The following COG3 variants were observed in gnomAD, a reference collection of about 807,000 sequenced individuals.
COG3 encodes the protein conserved oligomeric Golgi complex subunit 3.
A neutral mutation model predicts 114.1 loss-of-function variants in COG3; 32 were observed. The ratio of observed to expected loss-of-function variants is 0.28; its 90% CI spans 0.21 to 0.38. The LOEUF is 0.38. COG3 is among the 10% of genes least tolerant of loss of function. The pLI, the probability that COG3 is intolerant of heterozygous loss-of-function variation, is 1.00. For missense variants in COG3, 813 were observed against 973.2 expected (o/e 0.84, Z 2.19); for synonymous variants, 352 against 365.7 (o/e 0.96, Z 0.43).
intron 22 of COG3, chr13:45,532,047 C>T (rs1018778562): frequency 6.6e-6 from 1 of 151,994 alleles, no homozygotes; most frequent in African/African-American, 2.4e-5. Context: ...TGCATTTCCC[C>T]GTCTTCTTTT....
chr13:45,509,565 G>GA (rs531491983), intron 14 of COG3, 127 bp from the exon 15 acceptor site: 16 of 1,092,736 alleles, frequency 1.5e-5, no homozygotes, highest in South Asian at 3.5e-5. Flanking sequence ...ACTGAGGTGG[G>GA]AAAAAATTGG....
At chr13:45,490,778 A>G (rs1175787967) in intron 8 of COG3, 137 bp from the exon 9 acceptor site, 2 of 442,486 alleles carry the variant, frequency 4.5e-6, no homozygotes, top group African/African-American at 2.0e-5. Context: ...AATTTTTGGT[A>G]TAAGTGATTT....
intron 22 of COG3, chr13:45,531,256 TTG>T (rs1255277155): frequency 6.3e-6 from 1 of 158,568 alleles, no homozygotes. Context: ...TGCACCCTAT[TTG>T]TAGTTTTTTA....
chr13:45,509,542 A>G (rs1039671209), intron 14 of COG3, 150 bp from the exon 15 acceptor site: 1 of 747,006 alleles, frequency 1.3e-6, no homozygotes, highest in African/African-American at 1.7e-5. Flanking sequence ...TTCTTAGGGT[A>G]TTCTTGATGA....
chr13:45,492,910 A>G (rs926087921), intron 11 of COG3, among the ~76,000 whole-genome samples: 1 of 152,194 alleles, frequency 6.6e-6, no homozygotes, highest in Non-Finnish European at 1.5e-5. Context: ...AGTACTTTGA[A>G]TTTTGTTTAT....
rs192441816 is a variant in COG3 at position 45,507,994 on chromosome 13, A to G, written c.1595-1698A>G. Among the ~76,000 whole-genome samples, 992 of 137,236 alleles carry G rather than the reference A, an allele frequency of 7.2e-3. 14 individuals carry two copies. Among genetic ancestry groups the G allele is most frequent in the African/African-American group, 0.025 (922 of 37,396 alleles). 90.0% of individuals were successfully genotyped at this position (137,236 alleles called of 152,430 possible). ...TGAGGCAGAAGAATCACTTGAACCC[A>G]GGAGGTGGAGGTTGCAGTGGGCTGA... On this transcript the variant is annotated intron_variant, in intron 14 of 22. Transcript: ENST00000349995.
chr13:45,487,034 G>C (rs932430566), intron 8 of COG3, among the ~76,000 whole-genome samples: 2 of 152,150 alleles, frequency 1.3e-5, no homozygotes, highest in Non-Finnish European at 2.9e-5. Context: ...TTAAACAGAG[G>C]AGTTATTTGG....
intron 9 of COG3, 133 bp from the exon 10 acceptor site, chr13:45,491,279 A>G: frequency 1.3e-6 from 1 of 793,286 alleles, no homozygotes; most frequent in Non-Finnish European, 2.0e-6. Flanking sequence ...CTAGTATTAA[A>G]TAGTTAATGT....
chr13:45,532,212 C>T (rs548709256), intron 22 of COG3: 1 of 152,060 alleles, frequency 6.6e-6, no homozygotes, highest in East Asian at 1.9e-4. Context: ...GTATATATTC[C>T]TTTATGTGGA....
chr13:45,501,406 T>C (rs1464830648), intron 13 of COG3, among the ~76,000 whole-genome samples: 1 of 152,232 alleles, frequency 6.6e-6, no homozygotes, highest in African/African-American at 2.4e-5. Context: ...TATTCATACT[T>C]TGGGTTATAG....
chr13:45,465,239 G>A, intron 1 of COG3, 29 bp downstream of exon 1: 1 of 1,609,670 alleles, frequency 6.2e-7, no homozygotes, highest in Middle Eastern at 1.8e-4. Context: ...ACCGGGCCGG[G>A]GCGATGGGGC....
At chr13:45,494,515 T>C (rs1205090610) in intron 12 of COG3, among the ~76,000 whole-genome samples, 5 of 152,202 alleles carry the variant, frequency 3.3e-5, no homozygotes, top group Middle Eastern at 3.4e-3. Context: ...AAAATTCATA[T>C]GGTTTTTTTG....
chr13:45,492,327 G>A, intron 11 of COG3, 77 bp downstream of exon 11: 2 of 729,696 alleles, frequency 2.7e-6, no homozygotes, highest in South Asian at 3.8e-5. Flanking sequence ...TATATTATAG[G>A]AGTATTCTAT....
chr13:45,532,607 T>C (rs1873261641), intron 22 of COG3, among the ~76,000 whole-genome samples: 1 of 136,496 alleles, frequency 7.3e-6, no homozygotes, highest in Non-Finnish European at 1.5e-5. Flanking sequence ...TCTCGCTCTG[T>C]CACCCAGGCT....
intron 12 of COG3, 88 bp downstream of exon 12, chr13:45,493,574 A>G: frequency 8.7e-7 from 1 of 1,149,520 alleles, no homozygotes; most frequent in Non-Finnish European, 1.2e-6. Context: ...TCACCCCACT[A>G]AATAGATAAA....
rs149840260 is a variant in COG3, at chr13:45,482,404, G to C, written c.648G>C (p.Ser216=). ...INTKLNSPTL[S]VNSDGFIPML... is the part of the protein sequence containing the mutation. ...AGAAATTGAATTCCCCTACATTGTC[G>C]GTGAATAGTGACGGATTTATACCTA... Residue 216 remains serine, a synonymous_variant, in exon 6 of 23, where the codon TCG becomes TCC. Coordinates refer to ENST00000349995, the MANE Select transcript of COG3 (RefSeq NM_031431.4). 1.9e-6 allele frequency: 3 copies of C among 1,551,212 alleles called. No homozygotes were observed. Among genetic ancestry groups the C allele is most frequent in the Non-Finnish European group, 2.7e-6 (3 of 1,130,502 alleles).
intron 20 of COG3, among the ~76,000 whole-genome samples, chr13:45,527,171 G>C (rs1480902461): frequency 6.6e-6 from 1 of 152,140 alleles, no homozygotes; most frequent in Non-Finnish European, 1.5e-5. Context: ...TTCTCAAGTG[G>C]AACCCTAATA....
intron 2 of COG3, among the ~76,000 whole-genome samples, chr13:45,476,890 T>C (rs1041464012): frequency 6.6e-5 from 10 of 152,158 alleles, no homozygotes; most frequent in Non-Finnish European, 1.3e-4. Context: ...AGTTGAGGCA[T>C]TGACCAAATA....
intron 22 of COG3, among the ~76,000 whole-genome samples, chr13:45,531,666 C>T (rs1248345899): frequency 6.6e-6 from 1 of 152,010 alleles, no homozygotes; most frequent in Non-Finnish European, 1.5e-5. Context: ...TGCCACCATG[C>T]CGAGCTAATT....
Sources: allele counts gnomAD v4.1 joint callset (sites outside exome capture counted in the v4.1 genomes callset), GRCh38; gene constraint gnomAD v4.1.1; transcripts MANE v1.5; gene names NCBI Gene and HGNC (gene_info 2026-07-23, HGNC 2026-07-21).